The following RXFP2 variants were observed in gnomAD, a reference collection of about 807,000 sequenced individuals.
RXFP2 encodes the protein relaxin family peptide receptor 2, also known as relaxin receptor 2.
RXFP2 carries 68 observed loss-of-function variants against 88.6 expected under a neutral mutation model. That is an observed-to-expected ratio of 0.77 (90% CI 0.63 to 0.94). The LOEUF is 0.94. Ranked by LOEUF, RXFP2 falls within the 40% of genes least tolerant of loss-of-function variation. RXFP2 has a pLI of 0.00. For synonymous variants in RXFP2, 329 were observed against 306.8 expected (o/e 1.07, Z -0.76); for missense variants, 791 against 893.9 (o/e 0.88, Z 1.47).
intron 8 of RXFP2, 139 bp downstream of exon 8, chr13:31,777,586 C>T (rs1873053243): frequency 1.5e-6 from 1 of 665,542 alleles, no homozygotes; most frequent in Admixed American, 2.3e-5. Flanking sequence ...TTTCCAGCCA[C>T]AGTTACTGTT....
chr13:31,788,397 T>C (rs1363751011), intron 13 of RXFP2, among the ~76,000 whole-genome samples: 1 of 152,160 alleles, frequency 6.6e-6, no homozygotes, highest in African/African-American at 2.4e-5. Flanking sequence ...TTTTAGATTA[T>C]CTCTCTCCAT....
chr13:31,775,157 T>C (rs1872889178), intron 6 of RXFP2, among the ~76,000 whole-genome samples, 161 bp from the exon 7 acceptor site: 2 of 152,222 alleles, frequency 1.3e-5, no homozygotes, highest in Admixed American at 1.3e-4. Flanking sequence ...ATCTGTACCT[T>C]CTGGATACCC....
chr13:31,793,121 A>G, intron 16 of RXFP2, 33 bp downstream of exon 16: 4 of 1,557,848 alleles, frequency 2.6e-6, no homozygotes, highest in South Asian at 1.1e-5. Context: ...CTGGAAAAAC[A>G]TAATTTTGCT....
chr13:31,740,596 T>C (rs1406872936), intron 1 of RXFP2, among the ~76,000 whole-genome samples: 4 of 152,028 alleles, frequency 2.6e-5, no homozygotes, highest in African/African-American at 9.6e-5. Flanking sequence ...CAAGTGAATA[T>C]TTTAAATCTT....
intron 17 of RXFP2, among the ~76,000 whole-genome samples, chr13:31,801,554 C>T (rs1874345019): frequency 6.6e-6 from 1 of 152,118 alleles, no homozygotes; most frequent in Non-Finnish European, 1.5e-5. Context: ...AATTTCACCT[C>T]ACAAAGAACT....
intron 5 of RXFP2, among the ~76,000 whole-genome samples, chr13:31,774,128 T>C (rs1468698297): frequency 6.6e-6 from 1 of 152,246 alleles, no homozygotes; most frequent in East Asian, 1.9e-4. Flanking sequence ...CCTGAGTACC[T>C]AACTTGCCTT....
chr13:31,756,621 A>ATTTT (rs577728352), intron 1 of RXFP2, among the ~76,000 whole-genome samples: 1 of 133,942 alleles, frequency 7.5e-6, no homozygotes, highest in Non-Finnish European at 1.6e-5. Context: ...TGAAGTTCCA[A>ATTTT]TTTTTTTTTT....
At chr13:31,761,584 T>A (rs1336501260) in intron 2 of RXFP2, 140 bp from the exon 3 acceptor site, 1 of 621,422 alleles carries the variant, frequency 1.6e-6, no homozygotes, top group Non-Finnish European at 2.9e-6. Flanking sequence ...TAACTTTTTC[T>A]CTCTTACTAT....
intron 2 of RXFP2, among the ~76,000 whole-genome samples, chr13:31,761,065 C>T (rs1872280333): frequency 6.6e-6 from 1 of 152,136 alleles, no homozygotes; most frequent in South Asian, 2.1e-4. Context: ...AGCTATCCTC[C>T]CACCTCAGTC....
At chr13:31,751,218 G>A (rs1038013133) in intron 1 of RXFP2, among the ~76,000 whole-genome samples, 3 of 152,152 alleles carry the variant, frequency 2.0e-5, no homozygotes, top group Admixed American at 6.5e-5. Context: ...CTTGAACCCT[G>A]GAGGCGGAGG....
At position 31,802,133 on chromosome 13, in the gene RXFP2, C is replaced by T. The variant is rs1035857022; in HGVS notation, c.2006-13C>T. The T allele has an allele frequency of 3.1e-6, 5 of 1,613,348 alleles. No homozygotes were observed. Among genetic ancestry groups the T allele is most frequent in the African/African-American group, 2.7e-5 (2 of 74,834 alleles). ...ACTTCAACTTTTTTTTCACACTTTG[C>T]TTCCTTTTCCAGACACAATGACTTC... On this transcript the variant is annotated splice_polypyrimidine_tract_variant and intron_variant, in intron 17 of 17. Transcript: ENST00000298386.
intron 9 of RXFP2, among the ~76,000 whole-genome samples, chr13:31,780,536 T>C (rs1873217812): frequency 6.6e-6 from 1 of 152,194 alleles, no homozygotes; most frequent in Admixed American, 6.5e-5. Context: ...TAAAATAGGA[T>C]TTTCTTAAAA....
intron 1 of RXFP2, among the ~76,000 whole-genome samples, chr13:31,751,525 A>C (rs1472383818): frequency 6.6e-6 from 1 of 152,084 alleles, no homozygotes; most frequent in Non-Finnish European, 1.5e-5. Context: ...TGTGGATGGT[A>C]CCCACGCTTA....
intron 1 of RXFP2, among the ~76,000 whole-genome samples, chr13:31,754,609 AT>A (rs1871845630): frequency 6.6e-6 from 1 of 152,140 alleles, no homozygotes; most frequent in South Asian, 2.1e-4. Flanking sequence ...CCTTCAAAAG[AT>A]CCTATTCACA....
At chr13:31,741,889 G>A (rs1430072619) in intron 1 of RXFP2, among the ~76,000 whole-genome samples, 1 of 151,966 alleles carries the variant, frequency 6.6e-6, no homozygotes, top group Non-Finnish European at 1.5e-5. Context: ...TATTGAGACT[G>A]CTACTTGGTA....
Position 31,778,538 on chromosome 13 carries a change from C to T in RXFP2, c.740C>T (p.Ala247Val), listed in dbSNP as rs199889604. ...FLSMVNNYLE[A>V]LPKQMCAQMP... is the part of the protein sequence containing the mutation. The stretch of plus-strand genomic sequence containing the variant: ...TCTATGGTTAATAACTACTTAGAAG[C>T]TCTTCCCAAGCAGATGTGTGCCCAA... The change falls in exon 9 of 18, where the codon GCT (alanine) becomes GTT (valine). Residue 247 changes from alanine to valine, a missense_variant. Physicochemically the swap from Ala to Val is moderately conservative, Grantham distance 64 (BLOSUM62 0). Coordinates refer to ENST00000298386, the MANE Select transcript of RXFP2 (RefSeq NM_130806.5). The T allele has an allele frequency of 4.0e-5, 64 of 1,610,962 alleles. No homozygotes were observed. Among genetic ancestry groups the T allele is most frequent in the Non-Finnish European group, 5.4e-5 (64 of 1,177,398 alleles).
chr13:31,747,138 A>G (rs1871459292), intron 1 of RXFP2, among the ~76,000 whole-genome samples: 1 of 152,188 alleles, frequency 6.6e-6, no homozygotes, highest in Admixed American at 6.5e-5. Context: ...AGGGTTGTGT[A>G]CATGCTGTTA....
Position 31,797,243 on chromosome 13 carries a change from T to C in RXFP2, c.1829T>C (p.Ile610Thr). Residue 610 changes from isoleucine to threonine, a missense_variant, in exon 17 of 18, where the codon ATT (isoleucine) becomes ACT (threonine). Transcript: ENST00000298386. ...TTTCTCATCATTGTGTTTTCCTATA[T>C]TACTATGTTCTGTTCCATTCAAAAA... ...LAFLIIVFSYITMFCSIQKTA... is the reference protein window; with the variant it reads ...LAFLIIVFSYTTMFCSIQKTA... The C allele has an allele frequency of 6.2e-7, 1 of 1,613,998 alleles. No homozygotes were observed.
chr13:31,800,159 G>T (rs1269286101), intron 17 of RXFP2, among the ~76,000 whole-genome samples: 2 of 152,162 alleles, frequency 1.3e-5, no homozygotes, highest in African/African-American at 4.8e-5. Flanking sequence ...AAGAAATGCT[G>T]CCTTCACTGA....
Sources: allele counts gnomAD v4.1 joint callset (sites outside exome capture counted in the v4.1 genomes callset), GRCh38; gene constraint gnomAD v4.1.1; transcripts MANE v1.5; gene names NCBI Gene and HGNC (gene_info 2026-07-23, HGNC 2026-07-21).